The following TEP1 variants were observed in gnomAD, a reference collection of about 807,000 sequenced individuals.
TEP1 encodes the protein telomerase protein component 1.
TEP1 carries 241 observed loss-of-function variants against 306.3 expected under a neutral mutation model. The observed-to-expected ratio is 0.79, with a 90% CI of 0.71 to 0.88. TEP1 has a LOEUF of 0.88. Ranked by LOEUF, TEP1 falls within the 40% of genes least tolerant of loss-of-function variation. The pLI, the probability that TEP1 is intolerant of heterozygous loss-of-function variation, is 0.00. For synonymous variants in TEP1, 1,289 were observed against 1,305.5 expected, an observed-to-expected ratio of 0.99 and a Z score of 0.27; for missense variants, 3,051 against 3,276.1, an observed-to-expected ratio of 0.93 and a Z score of 1.68.
chr14:20,406,397 G>A lies in TEP1; in HGVS notation c.571C>T (p.Arg191Cys), dbSNP rs377524296. ...TETAQEATLG[R>C]WFDSEEKKGA... ...TTCTTCTCTTCTGAATCAAACCAACGACCCTGGGGTAGTAGTGGCAGTTAT... is the reference window on the plus strand; with the variant it reads ...TTCTTCTCTTCTGAATCAAACCAACAACCCTGGGGTAGTAGTGGCAGTTAT... Residue 191 changes from arginine (R) to cysteine (C), a missense_variant, in exon 3 of 55, where the codon CGT (arginine) becomes TGT (cysteine). This residue lies in a region of TEP1 where 1,507 missense variants were observed against 1,550.5 expected (regional missense o/e 0.97). Transcript: ENST00000262715. 1.4e-5 allele frequency: 22 copies of A among 1,613,776 alleles called. 1 individual carries two copies. Among genetic ancestry groups the A allele is most frequent in the South Asian group, 5.5e-5 (5 of 91,060 alleles).
In TEP1 at chr14:20,408,322, T is replaced by C. The variant is rs1207379841; in HGVS notation, c.118A>G (p.Thr40Ala). The change falls in exon 2 of 55, where the codon ACC becomes GCC. Residue 40 changes from threonine to alanine, a missense_variant. Physicochemically the swap from Thr to Ala is moderately conservative, Grantham distance 58. Around this residue, in one of 3 missense-constraint regions of TEP1, gnomAD observed 1,507 missense variants for 1,550.5 expected, o/e 0.97. Coordinates refer to ENST00000262715, the MANE Select transcript of TEP1 (RefSeq NM_007110.5). The stretch of plus-strand genomic sequence containing the variant: ...TTCAAGGAGAGGATATCTGAGTGGG[T>C]AGATACATGCTGATGTAGTTTCTCC... ...PLEKLHQHVS[T>A]HSDILSLKNQ... 3 of 1,612,956 alleles carry C rather than the reference T, an allele frequency of 1.9e-6. No individual in the cohort carries two copies. Among genetic ancestry groups the C allele is most frequent in the East Asian group, 2.2e-5 (1 of 44,856 alleles).
intron 18 of TEP1, 72 bp from the exon 19 acceptor site, chr14:20,386,695 T>C (rs1415300961): frequency 6.8e-7 from 1 of 1,464,884 alleles, no homozygotes; most frequent in Non-Finnish European, 9.0e-7. Context: ...ACTGCTGTGA[T>C]CACCCTTTAG....
intron 8 of TEP1, 152 bp from the exon 9 acceptor site, chr14:20,401,293 G>A (rs1878715840): frequency 1.5e-6 from 2 of 1,373,618 alleles, no homozygotes; most frequent in Admixed American, 2.4e-5. Flanking sequence ...TTACAGGTGA[G>A]TCAGAAAAGG....
chr14:20,400,335 C>T (rs61996770), intron 9 of TEP1, among the ~76,000 whole-genome samples: 4,955 of 150,896 alleles, frequency 0.033, 131 homozygotes, highest in Middle Eastern at 0.068. Flanking sequence ...CCTATAATTC[C>T]AGCACTTTGG....
At position 20,380,946 on chromosome 14, in the gene TEP1, C is replaced by T. The variant is rs748475879; in HGVS notation, c.4747G>A (p.Ala1583Thr). Residue 1583 changes from alanine (A) to threonine (T), a missense_variant, in exon 33 of 55, where the codon GCC becomes ACC. Physicochemically the swap from Ala to Thr is moderately conservative, Grantham distance 58 (BLOSUM62 0). Around this residue, in one of 3 missense-constraint regions of TEP1, gnomAD observed 1,540 missense variants for 1,705.9 expected, o/e 0.90. Coordinates refer to ENST00000262715, the MANE Select transcript of TEP1 (RefSeq NM_007110.5). ...CTCATCTCACCATAGAGGGCATGGG[C>T]CTCCAAGAGCCGAGAGACCAGACCC... ...ELGLVSRLLE[A>T]HALYASSVPK... 46 of 1,613,998 alleles carry T rather than the reference C, an allele frequency of 2.9e-5. No individual in the cohort carries two copies. The highest frequency in any genetic ancestry group is 1.7e-4 in the Middle Eastern group (1 of 6,046).
chr14:20,367,362 CAAAAACAA>C lies in TEP1; in HGVS notation c.*1067_*1074del, dbSNP rs1566432100. ...TAGGTGACAGAGCCAGACTCTATCT[CAAAAACAA>C]AAAAAAAAAAAAAAGGTTTTTTACT... On this transcript the variant is annotated 3_prime_UTR_variant, in exon 55 of 55. Coordinates refer to ENST00000262715, the MANE Select transcript of TEP1 (RefSeq NM_007110.5). The C allele has an allele frequency of 1.2e-5, 1 of 83,438 alleles. No individual in the cohort carries two copies. The highest frequency in any genetic ancestry group is 5.0e-5 in the African/African-American group (1 of 20,166). 5.2% of individuals were successfully genotyped at this position (83,438 alleles called of 1,614,324 possible).
Position 20,386,497 on chromosome 14 carries a change from G to A in TEP1, c.2811C>T (p.His937=), listed in dbSNP as rs150794249. The A allele has an allele frequency of 2.9e-4, 464 of 1,612,394 alleles. 5 individuals are homozygous for A. In the African/African-American group the frequency reaches 5.3e-3, roughly 18 times the overall value. ...ARAAPHRISL[H]GIDLRWGVTE... The stretch of plus-strand genomic sequence containing the variant: ...TGACGCCCCAGCGGAGGTCGATTCC[G>A]TGAAGGCTGATACGGTGAGGGGCCG... The change falls in exon 19 of 55, where the codon CAC becomes CAT. Residue 937 remains histidine (H), a synonymous_variant. Coordinates refer to ENST00000262715, the MANE Select transcript of TEP1 (RefSeq NM_007110.5).
Position 20,373,330 on chromosome 14 carries a change from G to A in TEP1, c.6754C>T (p.Leu2252Phe). The change falls in exon 47 of 55, where the codon CTC becomes TTC. Residue 2252 changes from leucine (L) to phenylalanine (F), a missense_variant. Physicochemically the swap from Leu to Phe is conservative, Grantham distance 22. Around this residue, in one of 3 missense-constraint regions of TEP1, gnomAD observed 1,540 missense variants for 1,705.9 expected, o/e 0.90. Coordinates refer to ENST00000262715, the MANE Select transcript of TEP1 (RefSeq NM_007110.5). ...CCATCCTCAGAGGCGGTCAGCATGAGGCCTGAGGTTTCTGAAACAGCAGCA... is the reference window on the plus strand; with the variant it reads ...CCATCCTCAGAGGCGGTCAGCATGAAGCCTGAGGTTTCTGAAACAGCAGCA... ...RAAAVSETSGLMLTASEDGSV... is the reference protein window; with the variant it reads ...RAAAVSETSGFMLTASEDGSV... 2 of 1,614,172 alleles carry A rather than the reference G, an allele frequency of 1.2e-6. No homozygotes were observed. The highest frequency in any genetic ancestry group is 1.7e-6 in the Non-Finnish European group (2 of 1,180,032).
chr14:20,389,164 G>T (rs1877485452), intron 17 of TEP1, 74 bp downstream of exon 17: 9 of 1,252,988 alleles, frequency 7.2e-6, no homozygotes, highest in South Asian at 5.3e-5. Flanking sequence ...AAAAAAAAGT[G>T]ACTGGAGTAG....
At chr14:20,375,932 T>A (rs1885149310) in intron 42 of TEP1, 64 bp from the exon 43 acceptor site, 1 of 1,515,930 alleles carries the variant, frequency 6.6e-7, no homozygotes, top group Non-Finnish European at 9.1e-7. Flanking sequence ...CCCGGAGCCA[T>A]TTCAGGCAAG....
intron 41 of TEP1, 48 bp downstream of exon 41, chr14:20,377,232 A>G: frequency 6.8e-7 from 1 of 1,471,562 alleles, no homozygotes; most frequent in Non-Finnish European, 9.2e-7. Flanking sequence ...AAAAAAAAGA[A>G]AAGAAAAGAA....
rs769243730 is a variant in TEP1, at chr14:20,371,309, C to T, written c.7226G>A (p.Ser2409Asn). ...PGDAPSEIWS[S>N]YTENPMILST... ...CAATATCATAGGATTTTCTGTATAG[C>T]TGCTCCTGGTTTGTGAGAAAGGAAT... Residue 2409 changes from serine to asparagine, a missense_variant, in exon 51 of 55, where the codon AGC (serine) becomes AAC (asparagine). Ser to Asn is a conservative substitution (Grantham distance 46, BLOSUM62 1). Around this residue, in one of 3 missense-constraint regions of TEP1, gnomAD observed 1,540 missense variants for 1,705.9 expected, o/e 0.90. Transcript: ENST00000262715. 2 of 1,614,026 alleles carry T rather than the reference C, an allele frequency of 1.2e-6. No individual in the cohort carries two copies. The highest frequency in any genetic ancestry group is 1.7e-6 in the Non-Finnish European group (2 of 1,179,904).
chr14:20,372,740 T>C lies in TEP1; in HGVS notation c.7069A>G (p.Asn2357Asp). The C allele has an allele frequency of 6.2e-7, 1 of 1,614,084 alleles. No homozygotes were observed. The highest frequency in any genetic ancestry group is 8.5e-7 in the Non-Finnish European group (1 of 1,180,002). Residue 2357 changes from asparagine to aspartate, a missense_variant, in exon 49 of 55, where the codon AAT (asparagine) becomes GAT (aspartate). Coordinates refer to ENST00000262715, the MANE Select transcript of TEP1 (RefSeq NM_007110.5). Reference sequence around the variant, plus strand: ...CCCATCAGCCTGTTTCACCTCAAATTTCCGGGTGCCGAACCCTTCCGCAGT... The same window carrying C: ...CCCATCAGCCTGTTTCACCTCAAATCTCCGGGTGCCGAACCCTTCCGCAGT... ...VKLRKGSAPG[N>D]LSLHLNRILQ... is the part of the protein sequence containing the mutation.
chr14:20,395,662 G>A, intron 11 of TEP1, 35 bp from the exon 12 acceptor site: 1 of 1,576,808 alleles, frequency 6.3e-7, no homozygotes, highest in Non-Finnish European at 8.7e-7. Flanking sequence ...GAGTTAGGCA[G>A]CTTCTATTCC....
rs966344777 is a variant in TEP1 at position 20,404,909 on chromosome 14, A to G, written c.871-137T>C. 1.7e-5 allele frequency: 17 copies of G among 989,696 alleles called. No homozygotes were observed. In the East Asian group the frequency reaches 4.2e-4, roughly 25 times the overall value. 61.3% of individuals were successfully genotyped at this position (989,696 alleles called of 1,614,324 possible). ...ACGTTGTCCACAAAATACGAAGCCC[A>G]GGCCACCTGACTTGGCATTCTAAGT... On this transcript the variant is annotated intron_variant, in intron 4 of 54. Coordinates refer to ENST00000262715, the MANE Select transcript of TEP1 (RefSeq NM_007110.5).
rs574754148 is a variant in TEP1 at position 20,404,630 on chromosome 14, T to C, written c.1013A>G (p.Gln338Arg). 2 of 1,613,684 alleles carry C rather than the reference T, an allele frequency of 1.2e-6. No homozygotes were observed. Among genetic ancestry groups the C allele is most frequent in the South Asian group, 1.1e-5 (1 of 90,998 alleles). The change falls in exon 5 of 55, where the codon CAG becomes CGG. Residue 338 changes from glutamine to arginine, a missense_variant. Physicochemically the swap from Gln to Arg is conservative, Grantham distance 43. Coordinates refer to ENST00000262715, the MANE Select transcript of TEP1 (RefSeq NM_007110.5). ...AIVQLPSDWI[Q>R]VAELYQSLAE... ...CCATACCTGGTAAAGCTCAGCCACC[T>C]GGATCCAGTCAGAAGGCAGCTGGAC...
chr14:20,374,473 G>T lies in TEP1; in HGVS notation c.6427C>A (p.Gln2143Lys), dbSNP rs1246462130. ...ACAGCACTCTGATGACCCAGGAACT[G>T]ACCAAGCCGCTGTCCTGACTCTGGG... ...WDPESGQRLG[Q>K]FLGHQSAVSA... is the part of the protein sequence containing the mutation. Residue 2143 changes from glutamine to lysine, a missense_variant, in exon 44 of 55, where the codon CAG (glutamine) becomes AAG (lysine). Coordinates refer to ENST00000262715, the MANE Select transcript of TEP1 (RefSeq NM_007110.5). The T allele has an allele frequency of 3.1e-6, 5 of 1,613,454 alleles. No homozygotes were observed. The highest frequency in any genetic ancestry group is 4.2e-6 in the Non-Finnish European group (5 of 1,179,952).
At chr14:20,368,743 G>A in intron 54 of TEP1, 55 bp downstream of exon 54, 5 of 1,531,560 alleles carry the variant, frequency 3.3e-6, no homozygotes, top group Non-Finnish European at 4.5e-6. Context: ...ACATCCCTTT[G>A]GGATAGGTGT....
At position 20,396,169 on chromosome 14, in the gene TEP1, C is replaced by A. The variant is rs72671293; in HGVS notation, c.1660-220G>T. Among the ~76,000 whole-genome samples, 727 of 152,300 alleles carry A rather than the reference C, an allele frequency of 4.8e-3. 4 individuals are homozygous for A. Among genetic ancestry groups the A allele is most frequent in the Middle Eastern group, 0.01 (3 of 292 alleles). ...GAAAGTAACAGAAGGAGCCCCGTTTCTTTTAAGACTCCCTCTGGGCAGGGT... is the reference window on the plus strand; with the variant it reads ...GAAAGTAACAGAAGGAGCCCCGTTTATTTTAAGACTCCCTCTGGGCAGGGT... On this transcript the variant is annotated intron_variant, in intron 10 of 54. Transcript: ENST00000262715.
Sources: gnomAD v4.1 joint callset for allele counts (sites outside exome capture counted in the v4.1 genomes callset) on GRCh38, gnomAD v4.1.1 for gene constraint, gnomAD v4.1.1 regional missense constraint, MANE v1.5 for transcripts, NCBI Gene and HGNC (gene_info 2026-07-23, HGNC 2026-07-21) for gene names.